NATD1: variants seen among roughly 807,000 people sequenced by gnomAD.
The protein encoded by NATD1 is protein NATD1.
Under a neutral mutation model 12.0 loss-of-function variants are expected in NATD1, and 9 were observed. That is an observed-to-expected ratio of 0.75 (90% CI 0.45 to 1.30). The LOEUF is 1.30. Ranked by LOEUF, NATD1 falls within the 50% of genes most tolerant of loss-of-function variation. NATD1 has a pLI of 0.00. For synonymous variants in NATD1, 71 were observed against 65.9 expected (o/e 1.08, Z -0.37); for missense variants, 148 against 148.5 (o/e 1.00, Z 0.02).
Position 21,239,018 on chromosome 17 carries a change from G to A in NATD1, c.*4295C>T, listed in dbSNP as rs1402610243. On this transcript the variant is annotated 3_prime_UTR_variant, in exon 3 of 3. Transcript: ENST00000611551. ...CCGGAACTCTTATGTAAAGTTTAGG[G>A]CATTGGATCTGGAAGGAGTGGGACC... The A allele has an allele frequency of 6.6e-6, 1 of 152,204 alleles. No individual in the cohort carries two copies. The highest frequency in any genetic ancestry group is 1.9e-4 in the East Asian group (1 of 5,204). 9.4% of individuals were successfully genotyped at this position (152,204 alleles called of 1,614,324 possible).
Position 21,253,252 on chromosome 17 carries a change from C to A in NATD1, c.13G>T (p.Ala5Ser). Residue 5 changes from alanine (A) to serine (S), a missense_variant, in exon 1 of 3, where the codon GCT (alanine) becomes TCT (serine). Coordinates refer to ENST00000611551, the MANE Select transcript of NATD1 (RefSeq NM_152914.3). Reference sequence around the variant, plus strand: ...AGCGCGCCCAGCGGCACGGCGGCAGCCGAGTGCGCCATCTGCGCGCGGGGC... The same window carrying A: ...AGCGCGCCCAGCGGCACGGCGGCAGACGAGTGCGCCATCTGCGCGCGGGGC... MAHSAAAVPLGALEQ... is the reference protein window; with the variant it reads MAHSSAAVPLGALEQ... 1.0e-6 allele frequency: 1 copy of A among 996,134 alleles called. No homozygotes were observed. Among genetic ancestry groups the A allele is most frequent in the Non-Finnish European group, 1.2e-6 (1 of 838,404 alleles). The allele number at this position is 996,134 out of a possible 1,614,324, so 61.7% of individuals were successfully genotyped here.
At chr17:21,251,303 A>C (rs986136720) in intron 1 of NATD1, among the ~76,000 whole-genome samples, 15 of 151,720 alleles carry the variant, frequency 9.9e-5, no homozygotes, top group African/African-American at 2.4e-4. Flanking sequence ...GAAAAAAAAA[A>C]AAAAAAAACA....
intron 1 of NATD1, among the ~76,000 whole-genome samples, chr17:21,252,405 C>T (rs1427872167): frequency 6.6e-6 from 1 of 152,216 alleles, no homozygotes; most frequent in Non-Finnish European, 1.5e-5. Flanking sequence ...ACTTACTAAT[C>T]CCCCATGAGC....
At chr17:21,248,541 G>A (rs1207334407) in intron 1 of NATD1, among the ~76,000 whole-genome samples, 11 of 152,132 alleles carry the variant, frequency 7.2e-5, no homozygotes, top group Non-Finnish European at 2.9e-5. Flanking sequence ...CAAAGGTCAC[G>A]TGCCCAGAAG....
In NATD1 at chr17:21,240,528, G is replaced by GGAC. The variant is rs1384475256; in HGVS notation, c.*2782_*2784dup. 1 of 152,656 alleles carries GGAC rather than the reference G, an allele frequency of 6.6e-6. No homozygotes were observed. The highest frequency in any genetic ancestry group is 1.9e-4 in the East Asian group (1 of 5,198). 9.5% of individuals were successfully genotyped at this position (152,656 alleles called of 1,614,324 possible). ...TGATGAGCTTGGAGAATGAGGAAGGGGACGGTCCAGCGGCCAGCTGGGTCC... is the reference window on the plus strand; with the variant it reads ...TGATGAGCTTGGAGAATGAGGAAGGGGACGACGGTCCAGCGGCCAGCTGGGTCC... On this transcript the variant is annotated 3_prime_UTR_variant, in exon 3 of 3. Transcript: ENST00000611551.
intron 1 of NATD1, among the ~76,000 whole-genome samples, chr17:21,247,100 G>A (rs926060408): frequency 3.3e-5 from 5 of 152,212 alleles, no homozygotes; most frequent in Non-Finnish European, 1.5e-5. Context: ...CCCTGCGTCA[G>A]TGTTTCTGGA....
In NATD1 at chr17:21,244,522, T is replaced by C. The variant is rs1007911813; in HGVS notation, c.107-298A>G. ...CGTCAGTCCTAGCATCCCAGGGCCC[T>C]GCCACCCCTTTCTGTAGCCCTGCTC... is the stretch of plus-strand genomic sequence containing the variant. On this transcript the variant is annotated intron_variant, in intron 1 of 2. Transcript: ENST00000611551. The surrounding 1 kb of genome is among the most constrained non-coding windows in gnomAD (Gnocchi z 5.2). Among the ~76,000 whole-genome samples the C allele has an allele frequency of 2.6e-5, 4 of 152,182 alleles. No homozygotes were observed. Among genetic ancestry groups the C allele is most frequent in the African/African-American group, 7.2e-5 (3 of 41,456 alleles).
chr17:21,250,633 C>CA (rs1245283345), intron 1 of NATD1, among the ~76,000 whole-genome samples: 3 of 152,218 alleles, frequency 2.0e-5, no homozygotes, highest in African/African-American at 7.2e-5. Context: ...CCCCATGCCT[C>CA]AGTCTCCCCA....
At chr17:21,252,868 C>T (rs971336010) in intron 1 of NATD1, among the ~76,000 whole-genome samples, 1 of 151,984 alleles carries the variant, frequency 6.6e-6, no homozygotes, top group African/African-American at 2.4e-5. Context: ...TTTCCAGGGG[C>T]CCCTGTCCGC....
chr17:21,246,801 C>A (rs1975329184), intron 1 of NATD1, among the ~76,000 whole-genome samples: 1 of 152,150 alleles, frequency 6.6e-6, no homozygotes, highest in East Asian at 1.9e-4. Flanking sequence ...GTAAAGAGGG[C>A]ATACAAGGAC....
chr17:21,243,324 G>A lies in NATD1; in HGVS notation c.331C>T (p.Leu111=). 3.1e-6 allele frequency: 5 copies of A among 1,612,402 alleles called. No homozygotes were observed. The highest frequency in any genetic ancestry group is 4.2e-6 in the Non-Finnish European group (5 of 1,179,904). The part of the protein sequence containing the change: ...ENPLPQYLER[L]QP ...CCTGCAGGCCAGGGTTACGGCTGCAGGCGCTCCAGGTACTGCGGCAGGGGG... is the reference window on the plus strand; with the variant it reads ...CCTGCAGGCCAGGGTTACGGCTGCAAGCGCTCCAGGTACTGCGGCAGGGGG... Residue 111 remains leucine (L), a synonymous_variant, in exon 3 of 3, where the codon CTG becomes TTG. Coordinates refer to ENST00000611551, the MANE Select transcript of NATD1 (RefSeq NM_152914.3).
intron 2 of NATD1, among the ~76,000 whole-genome samples, chr17:21,243,703 G>A (rs996524531): frequency 1.2e-4 from 19 of 152,294 alleles, no homozygotes; most frequent in Non-Finnish European, 2.4e-4. Context: ...GGGTGGGGGT[G>A]GAGGAGGGGA....
At chr17:21,248,105 T>C (rs569252207) in intron 1 of NATD1, among the ~76,000 whole-genome samples, 1 of 152,200 alleles carries the variant, frequency 6.6e-6, no homozygotes, top group East Asian at 1.9e-4. Flanking sequence ...ACACCCTACA[T>C]GGGCCAGACC....
intron 1 of NATD1, among the ~76,000 whole-genome samples, chr17:21,245,345 G>A (rs975678439): frequency 3.3e-5 from 5 of 152,204 alleles, no homozygotes; most frequent in Admixed American, 3.3e-4. Context: ...CAAAGGGACA[G>A]ATGTGATTCA....
chr17:21,245,922 T>C (rs1216875367), intron 1 of NATD1, among the ~76,000 whole-genome samples: 1 of 152,234 alleles, frequency 6.6e-6, no homozygotes, highest in Non-Finnish European at 1.5e-5. Flanking sequence ...CTGTGGCCAC[T>C]GCCGCCTGTC....
Position 21,249,776 on chromosome 17 carries a change from T to C in NATD1, c.106+3383A>G, listed in dbSNP as rs562301686. 1.1e-4 allele frequency among the ~76,000 whole-genome samples: 16 copies of C among 152,256 alleles called. No homozygotes were observed. In the South Asian group the frequency reaches 2.7e-3, roughly 26 times the overall value. ...GGTCTCTTCCAGCTGCCTCCAACCT[T>C]CAGAAACCGTCCTCAGATGGAGGCC... On this transcript the variant is annotated intron_variant, in intron 1 of 2. Coordinates refer to ENST00000611551, the MANE Select transcript of NATD1 (RefSeq NM_152914.3).
rs943855888 is a variant in NATD1 at position 21,244,786 on chromosome 17, G to A, written c.107-562C>T. Among the ~76,000 whole-genome samples the A allele has an allele frequency of 2.0e-5, 3 of 152,190 alleles. No homozygotes were observed. The highest frequency in any genetic ancestry group is 4.4e-5 in the Non-Finnish European group (3 of 68,040). On this transcript the variant is annotated intron_variant, in intron 1 of 2. Transcript: ENST00000611551. This position sits in a 1 kb window ranked among gnomAD's most constrained non-coding sequence, Gnocchi z 5.2. Reference sequence around the variant, plus strand: ...CTGGGCACAGGAGGCAGGAACAAACGGGTTTTCACACTCCACCAGGCCTGC... The same window carrying A: ...CTGGGCACAGGAGGCAGGAACAAACAGGTTTTCACACTCCACCAGGCCTGC...
At chr17:21,251,704 A>T (rs564125416) in intron 1 of NATD1, among the ~76,000 whole-genome samples, 9 of 152,358 alleles carry the variant, frequency 5.9e-5, no homozygotes, top group African/African-American at 1.9e-4. Flanking sequence ...TCCAAATGGC[A>T]TCGGAGATCT....
At position 21,248,356 on chromosome 17, in the gene NATD1, C is replaced by A. The variant is rs560998778; in HGVS notation, c.107-4132G>T. On this transcript the variant is annotated intron_variant, in intron 1 of 2. Coordinates refer to ENST00000611551, the MANE Select transcript of NATD1 (RefSeq NM_152914.3). ...CAAAGCTTGACCAAGGTCCTTGGCT[C>A]CTCCTCACCTTTTCTCATCTGACCT... Among the ~76,000 whole-genome samples, 16 of 152,330 alleles carry A rather than the reference C, an allele frequency of 1.1e-4. No individual in the cohort carries two copies. In the East Asian group the frequency reaches 2.7e-3, roughly 26 times the overall value.
Sources: gnomAD v4.1 joint callset for allele counts (sites outside exome capture counted in the v4.1 genomes callset) on GRCh38, gnomAD v4.1.1 for gene constraint, Gnocchi (gnomAD v3.1) non-coding constraint, MANE v1.5 for transcripts, NCBI Gene and HGNC (gene_info 2026-07-23, HGNC 2026-07-21) for gene names.